KIAA1217: variants seen among roughly 807,000 people sequenced by gnomAD.
KIAA1217 encodes KIAA1217, also known as sickle tail protein homolog.
In KIAA1217, 88 loss-of-function variants were observed where a neutral mutation model predicts 163.9. That is an observed-to-expected ratio of 0.54 (90% CI 0.45 to 0.64). KIAA1217 has a LOEUF of 0.64. Ranked by LOEUF, KIAA1217 falls within the 30% of genes least tolerant of loss-of-function variation. The probability of loss-of-function intolerance (pLI) is 0.00; values close to 1 mark genes in which losing one functional copy is unlikely to be tolerated. For synonymous variants in KIAA1217, 903 were observed against 923.1 expected, an observed-to-expected ratio of 0.98 and a Z score of 0.39; for missense variants, 2,372 against 2,475.0, an observed-to-expected ratio of 0.96 and a Z score of 0.88.
chr10:23,935,704 T>C (rs1391771204), intron 1 of KIAA1217, among the ~76,000 whole-genome samples: 10 of 152,260 alleles, frequency 6.6e-5, no homozygotes, highest in Non-Finnish European at 1.5e-5. Flanking sequence ...ATAAAGTTCC[T>C]GTATAATTAA....
At chr10:23,820,241 A>G in intron 1 of KIAA1217, among the ~76,000 whole-genome samples, 1 of 152,172 alleles carries the variant, frequency 6.6e-6, no homozygotes, top group South Asian at 2.1e-4. Flanking sequence ...CTTCTATTTC[A>G]TATCCCTTAT....
intron 12 of KIAA1217, among the ~76,000 whole-genome samples, chr10:24,522,924 G>A (rs1333791916): frequency 2.0e-5 from 3 of 151,980 alleles, no homozygotes; most frequent in Non-Finnish European, 4.4e-5. Context: ...ACAGTGAGCC[G>A]AGGTTGTGCC....
rs185533875 is a variant in KIAA1217 at position 24,362,732 on chromosome 10, G to A, written c.355-18137G>A. Among the ~76,000 whole-genome samples the A allele has an allele frequency of 3.0e-3, 459 of 152,286 alleles. 1 individual carries two copies. Among genetic ancestry groups the A allele is most frequent in the African/African-American group, 7.7e-3 (319 of 41,570 alleles). On this transcript the variant is annotated intron_variant, in intron 2 of 20. Transcript: ENST00000376454. ...CTCTAATTTCTGGGCCGGGCGCGGTGGCTCACGCCTATAATCCCAGCACTT... is the reference window on the plus strand; with the variant it reads ...CTCTAATTTCTGGGCCGGGCGCGGTAGCTCACGCCTATAATCCCAGCACTT...
intron 1 of KIAA1217, among the ~76,000 whole-genome samples, chr10:23,954,820 C>T (rs1287622467): frequency 6.6e-6 from 1 of 151,968 alleles, no homozygotes; most frequent in Non-Finnish European, 1.5e-5. Context: ...AGTAACTGGC[C>T]CATGGTCTCA....
intron 1 of KIAA1217, among the ~76,000 whole-genome samples, chr10:23,850,291 G>C (rs1239269025): frequency 6.6e-6 from 1 of 152,106 alleles, no homozygotes; most frequent in Non-Finnish European, 1.5e-5. Context: ...AGGTAATTTT[G>C]TTTGAAGTGC....
At chr10:23,714,426 A>C (rs907499955) in intron 1 of KIAA1217, among the ~76,000 whole-genome samples, 1 of 152,138 alleles carries the variant, frequency 6.6e-6, no homozygotes, top group Non-Finnish European at 1.5e-5. Flanking sequence ...AAATTTCTGC[A>C]GAGGGTAGCT....
intron 2 of KIAA1217, among the ~76,000 whole-genome samples, chr10:24,081,740 G>A (rs1164190588): frequency 6.6e-6 from 1 of 152,186 alleles, no homozygotes; most frequent in Non-Finnish European, 1.5e-5. Flanking sequence ...CTCATAATGT[G>A]TGAAGAAAAT....
intron 1 of KIAA1217, among the ~76,000 whole-genome samples, chr10:23,946,589 G>A (rs866970253): frequency 1.4e-4 from 21 of 151,950 alleles, no homozygotes; most frequent in South Asian, 4.1e-4. Flanking sequence ...GCACTGTGTC[G>A]AAGTGATCAC....
At chr10:24,370,065 AC>A (rs1410029478) in intron 2 of KIAA1217, among the ~76,000 whole-genome samples, 1 of 152,158 alleles carries the variant, frequency 6.6e-6, no homozygotes, top group Non-Finnish European at 1.5e-5. Flanking sequence ...GGAGATCGAG[AC>A]CATCCTGGCT....
intron 2 of KIAA1217, among the ~76,000 whole-genome samples, chr10:24,192,745 A>G (rs2066785193): frequency 6.6e-6 from 1 of 152,226 alleles, no homozygotes; most frequent in Admixed American, 6.5e-5. Flanking sequence ...TGGTGCTTAC[A>G]GCAAGACCTT....
Position 24,109,384 on chromosome 10 carries a change from C to CTT in KIAA1217, c.-171+102019_-171+102020dup, listed in dbSNP as rs113325699. 4.7e-3 allele frequency among the ~76,000 whole-genome samples: 694 copies of CTT among 147,698 alleles called. 3 individuals are homozygous for CTT. Among genetic ancestry groups the CTT allele is most frequent in the African/African-American group, 0.015 (625 of 40,466 alleles). The stretch of plus-strand genomic sequence containing the variant: ...TAACTTTTTGGTTGAACTGTGGTCT[C>CTT]TTTTTTTTTTGATTAACATGTTTGC... On this transcript the variant is annotated intron_variant, in intron 2 of 18. Coordinates refer to the KIAA1217 transcript ENST00000376462.
At position 24,343,655 on chromosome 10, in the gene KIAA1217, C is replaced by T. The variant is rs1449703174; in HGVS notation, c.355-37214C>T. Among the ~76,000 whole-genome samples, 3 of 152,180 alleles carry T rather than the reference C, an allele frequency of 2.0e-5. No individual in the cohort carries two copies. In the East Asian group the frequency reaches 5.8e-4, roughly 29 times the overall value. ...GGAATTGTATTTTTAGAAAGAACTT[C>T]CCTGTCCTAATATTACATATTAAGC... On this transcript the variant is annotated intron_variant, in intron 2 of 20. Coordinates refer to ENST00000376454, the MANE Select transcript of KIAA1217 (RefSeq NM_019590.5).
chr10:23,959,743 T>G (rs1809825813), intron 1 of KIAA1217, among the ~76,000 whole-genome samples: 1 of 152,046 alleles, frequency 6.6e-6, no homozygotes, highest in African/African-American at 2.4e-5. Flanking sequence ...TTATTGTTAA[T>G]TAAGTGGGTG....
intron 5 of KIAA1217, among the ~76,000 whole-genome samples, chr10:24,452,588 A>T (rs1198841771): frequency 6.6e-6 from 1 of 150,652 alleles, no homozygotes; most frequent in Admixed American, 6.6e-5. Context: ...AGGCTGAGGC[A>T]GGAGAATGGG....
chr10:24,499,050 T>A (rs1323380678), intron 8 of KIAA1217, among the ~76,000 whole-genome samples: 1 of 152,220 alleles, frequency 6.6e-6, no homozygotes, highest in Non-Finnish European at 1.5e-5. Context: ...TAGCACAGTG[T>A]CATCTTTGTT....
intron 1 of KIAA1217, among the ~76,000 whole-genome samples, chr10:23,929,442 T>C (rs1259280341): frequency 6.6e-6 from 1 of 152,120 alleles, no homozygotes; most frequent in Non-Finnish European, 1.5e-5. Flanking sequence ...AATAGGTAGT[T>C]TTTCAATACT....
chr10:23,770,429 C>G (rs1834741918), intron 1 of KIAA1217, among the ~76,000 whole-genome samples: 1 of 152,172 alleles, frequency 6.6e-6, no homozygotes, highest in Non-Finnish European at 1.5e-5. Flanking sequence ...TCAGGCTAAG[C>G]TCAATTTCTA....
At chr10:24,344,731 CAT>C (rs1272957453) in intron 2 of KIAA1217, among the ~76,000 whole-genome samples, 1 of 152,198 alleles carries the variant, frequency 6.6e-6, no homozygotes, top group Non-Finnish European at 1.5e-5. Context: ...CTTATTTGTA[CAT>C]GTTATTGTTC....
At chr10:24,438,271 A>G (rs970723842) in intron 4 of KIAA1217, 115 bp from the exon 5 acceptor site, 10 of 715,444 alleles carry the variant, frequency 1.4e-5, no homozygotes, top group Non-Finnish European at 2.3e-5. Flanking sequence ...CGTACTGTAG[A>G]TAGCCTTTGG....
Sources: gnomAD v4.1 joint callset for allele counts (sites outside exome capture counted in the v4.1 genomes callset) on GRCh38, gnomAD v4.1.1 for gene constraint, MANE v1.5 for transcripts, NCBI Gene and HGNC (gene_info 2026-07-23, HGNC 2026-07-21) for gene names.